The following CDH10 variants were observed in gnomAD, a reference collection of about 807,000 sequenced individuals.
CDH10 encodes the protein cadherin 10, also known as cadherin-10.
In CDH10, 30 loss-of-function variants were observed where a neutral mutation model predicts 73.1. The ratio of observed to expected loss-of-function variants is 0.41; its 90% CI spans 0.31 to 0.56. The LOEUF (loss-of-function observed/expected upper bound fraction) is 0.56, where lower values mean the gene tolerates loss of function less well. CDH10 is among the 20% of genes least tolerant of loss of function. CDH10 has a pLI of 0.27. For synonymous variants in CDH10, 345 were observed against 348.2 expected (o/e 0.99, Z 0.10); for missense variants, 815 against 973.7 (o/e 0.84, Z 2.17).
At chr5:24,561,355 A>C (rs1263315593) in intron 2 of CDH10, among the ~76,000 whole-genome samples, 2 of 152,142 alleles carry the variant, frequency 1.3e-5, no homozygotes, top group African/African-American at 2.4e-5. Context: ...AAGACAAATA[A>C]AATTAAAAAT....
intron 1 of CDH10, among the ~76,000 whole-genome samples, chr5:24,614,882 T>A (rs1747077130): frequency 6.6e-6 from 1 of 152,188 alleles, no homozygotes; most frequent in Non-Finnish European, 1.5e-5. Flanking sequence ...TGTGTGGTTC[T>A]CTCCTGTACT....
intron 2 of CDH10, among the ~76,000 whole-genome samples, chr5:24,563,123 T>G (rs1404649867): frequency 6.6e-6 from 1 of 152,206 alleles, no homozygotes; most frequent in African/African-American, 2.4e-5. Flanking sequence ...GTGCTACATT[T>G]AGTTGTCTTG....
intron 2 of CDH10, among the ~76,000 whole-genome samples, chr5:24,584,620 G>A (rs1745922708): frequency 6.6e-6 from 1 of 151,572 alleles, no homozygotes; most frequent in African/African-American, 2.4e-5. Context: ...ACAGGCACGT[G>A]CCACCACGTC....
intron 11 of CDH10, among the ~76,000 whole-genome samples, chr5:24,488,700 G>T (rs541486699): frequency 1.3e-5 from 2 of 151,928 alleles, no homozygotes; most frequent in African/African-American, 4.8e-5. Context: ...CTAAAAGAAT[G>T]CTGTAATTAT....
chr5:24,571,462 AGTCAG>A (rs1316180180), intron 2 of CDH10, among the ~76,000 whole-genome samples: 1 of 152,162 alleles, frequency 6.6e-6, no homozygotes, highest in Non-Finnish European at 1.5e-5. Flanking sequence ...AATTAATTTG[AGTCAG>A]ATGCCAGGAA....
At chr5:24,579,501 T>A (rs1012735664) in intron 2 of CDH10, among the ~76,000 whole-genome samples, 1 of 152,110 alleles carries the variant, frequency 6.6e-6, no homozygotes, top group Non-Finnish European at 1.5e-5. Flanking sequence ...CTCCACTTTT[T>A]CTCCCTGTAT....
intron 8 of CDH10, among the ~76,000 whole-genome samples, chr5:24,503,341 C>T (rs2111714015): frequency 6.6e-6 from 1 of 152,318 alleles, no homozygotes; most frequent in African/African-American, 2.4e-5. Context: ...AGTTGCTCTA[C>T]ACCACATACA....
At chr5:24,630,393 G>C (rs1747663623) in intron 1 of CDH10, among the ~76,000 whole-genome samples, 1 of 151,558 alleles carries the variant, frequency 6.6e-6, no homozygotes, top group Non-Finnish European at 1.5e-5. Context: ...CTCTACTAAA[G>C]ATAGAAAAAA....
chr5:24,626,098 A>T (rs2112181463), intron 1 of CDH10, among the ~76,000 whole-genome samples: 1 of 152,234 alleles, frequency 6.6e-6, no homozygotes, highest in African/African-American at 2.4e-5. Context: ...AAAAAATAAA[A>T]ATAACTGCAA....
intron 1 of CDH10, among the ~76,000 whole-genome samples, chr5:24,633,482 T>G (rs949211718): frequency 1.3e-5 from 2 of 151,940 alleles, no homozygotes; most frequent in African/African-American, 4.8e-5. Context: ...AGTTCTCTGC[T>G]TTTCTTGTAG....
chr5:24,535,138 T>C lies in CDH10; in HGVS notation c.788A>G (p.Asn263Ser). ...TTVNITLTDVNDNPPRFPQNT... is the reference protein window; with the variant it reads ...TTVNITLTDVSDNPPRFPQNT... ...CTGGGGGAAACGTGGTGGGTTGTCA[T>C]TGACATCTGTCAGCGTGATGTTCAC... The change falls in exon 5 of 12, where the codon AAT becomes AGT. Residue 263 changes from asparagine to serine, a missense_variant. This residue lies in a region of CDH10 where 516 missense variants were observed against 636.6 expected (regional missense o/e 0.81). Transcript: ENST00000264463. 6.2e-7 allele frequency: 1 copy of C among 1,611,852 alleles called. No individual in the cohort carries two copies. Among genetic ancestry groups the C allele is most frequent in the Non-Finnish European group, 8.5e-7 (1 of 1,179,350 alleles).
At chr5:24,518,653 C>A (rs145053101) in intron 5 of CDH10, among the ~76,000 whole-genome samples, 1 of 151,990 alleles carries the variant, frequency 6.6e-6, no homozygotes, top group African/African-American at 2.4e-5. Context: ...GGTTTCCCTG[C>A]CTCCAAGATC....
At chr5:24,494,645 T>A (rs888409751) in intron 9 of CDH10, among the ~76,000 whole-genome samples, 1 of 152,006 alleles carries the variant, frequency 6.6e-6, no homozygotes, top group Non-Finnish European at 1.5e-5. Flanking sequence ...TTTTTACAGA[T>A]CAAAATAATG....
chr5:24,629,476 CT>C (rs1249090076), intron 1 of CDH10, among the ~76,000 whole-genome samples: 1 of 151,276 alleles, frequency 6.6e-6, no homozygotes, highest in African/African-American at 2.4e-5. Flanking sequence ...AAAAAAACTG[CT>C]TTAAAGTTTC....
chr5:24,527,546 G>A (rs538802234), intron 5 of CDH10, among the ~76,000 whole-genome samples: 9 of 151,758 alleles, frequency 5.9e-5, no homozygotes, highest in Non-Finnish European at 1.2e-4. Flanking sequence ...AGATGGTATC[G>A]CTTTCTACAC....
intron 1 of CDH10, among the ~76,000 whole-genome samples, chr5:24,632,886 T>TTGA (rs547989838): frequency 2.9e-4 from 44 of 151,548 alleles, no homozygotes; most frequent in African/African-American, 8.2e-4. Context: ...TACTCAGGTT[T>TTGA]TGATGATGAT....
chr5:24,512,364 T>C (rs1324654993), intron 5 of CDH10, among the ~76,000 whole-genome samples: 1 of 152,204 alleles, frequency 6.6e-6, no homozygotes, highest in African/African-American at 2.4e-5. Flanking sequence ...TATGTGTGTT[T>C]ACACAATCAC....
chr5:24,493,137 A>G (rs888943704), intron 9 of CDH10, among the ~76,000 whole-genome samples: 2 of 151,910 alleles, frequency 1.3e-5, no homozygotes, highest in Non-Finnish European at 2.9e-5. Context: ...CATACCCTTT[A>G]CTTCAAAATG....
intron 6 of CDH10, 52 bp from the exon 7 acceptor site, chr5:24,509,871 G>A (rs2111755739): frequency 2.1e-6 from 3 of 1,404,142 alleles, no homozygotes; most frequent in Admixed American, 2.0e-5. Context: ...TGGATGATAT[G>A]CTCCCACCCA....
Sources: allele counts gnomAD v4.1 joint callset (sites outside exome capture counted in the v4.1 genomes callset), GRCh38; gene constraint gnomAD v4.1.1; regional missense constraint gnomAD v4.1.1; transcripts MANE v1.5; gene names NCBI Gene and HGNC (gene_info 2026-07-23, HGNC 2026-07-21).